The following SHTN1 variants were observed in gnomAD, a reference collection of about 807,000 sequenced individuals.
SHTN1 encodes the protein shootin 1, also known as shootin-1.
SHTN1 carries 42 observed loss-of-function variants against 83.1 expected under a neutral mutation model. The ratio of observed to expected loss-of-function variants is 0.51; its 90% confidence interval spans 0.39 to 0.65. The LOEUF is 0.65. Ranked by LOEUF, SHTN1 falls within the 30% of genes least tolerant of loss-of-function variation. SHTN1 has a pLI of 0.00. For missense variants in SHTN1, 622 were observed against 737.8 expected, an observed-to-expected ratio of 0.84 and a Z score of 1.82; for synonymous variants, 224 against 247.7, an observed-to-expected ratio of 0.90 and a Z score of 0.90.
intron 9 of SHTN1, 101 bp downstream of exon 9, chr10:116,940,365 T>C (rs1170453049): frequency 5.0e-6 from 6 of 1,209,212 alleles, no homozygotes; most frequent in Non-Finnish European, 4.6e-6. Context: ...TATGAAACAG[T>C]AAATGACTGG....
chr10:116,959,503 A>C, intron 4 of SHTN1, among the ~76,000 whole-genome samples: 1 of 152,226 alleles, frequency 6.6e-6, no homozygotes, highest in East Asian at 1.9e-4. Context: ...GCTGTAATCC[A>C]CTTTCTGATG....
chr10:117,043,682 A>T (rs111442703), intron 2 of SHTN1, among the ~76,000 whole-genome samples: 1,626 of 152,176 alleles, frequency 0.011, 8 homozygotes, highest in Middle Eastern at 0.024. Flanking sequence ...CTCTACAAAA[A>T]ATGTAAAACA....
intron 16 of SHTN1, among the ~76,000 whole-genome samples, chr10:116,897,619 T>C (rs1250275301): frequency 6.6e-6 from 1 of 152,230 alleles, no homozygotes; most frequent in Admixed American, 6.5e-5. Context: ...TAAGATAAGA[T>C]AGGAAAGGAA....
chr10:116,936,642 G>C (rs1849174774), intron 9 of SHTN1, among the ~76,000 whole-genome samples: 1 of 152,160 alleles, frequency 6.6e-6, no homozygotes, highest in African/African-American at 2.4e-5. Flanking sequence ...TATATATTCT[G>C]TTGATTTGGG....
intron 2 of SHTN1, among the ~76,000 whole-genome samples, chr10:116,969,699 C>G (rs879033317): frequency 6.6e-6 from 1 of 152,096 alleles, no homozygotes; most frequent in African/African-American, 2.4e-5. Context: ...GCATAAGGAC[C>G]TTTTAGGGTA....
chr10:117,019,384 G>GT (rs1852228928), intron 2 of SHTN1, among the ~76,000 whole-genome samples: 1 of 151,476 alleles, frequency 6.6e-6, no homozygotes, highest in Non-Finnish European at 1.5e-5. Context: ...GGGCCTCACC[G>GT]TGTTACCCAG....
At chr10:117,120,462 C>G (rs1853906647) in intron 1 of SHTN1, among the ~76,000 whole-genome samples, 1 of 152,020 alleles carries the variant, frequency 6.6e-6, no homozygotes, top group African/African-American at 2.4e-5. Context: ...ATTGGCCAGG[C>G]CGGTCTCAAA....
At chr10:116,902,382 T>TA (rs1440087100) in intron 15 of SHTN1, among the ~76,000 whole-genome samples, 1 of 152,238 alleles carries the variant, frequency 6.6e-6, no homozygotes, top group Non-Finnish European at 1.5e-5. Flanking sequence ...CAAAAGGCTC[T>TA]AAAAGGCTCA....
intron 16 of SHTN1, among the ~76,000 whole-genome samples, chr10:116,896,580 C>T (rs561864036): frequency 6.0e-4 from 92 of 152,220 alleles, no homozygotes; most frequent in Non-Finnish European, 1.1e-3. Flanking sequence ...AAAATTGAAT[C>T]CACTTTCAAA....
At chr10:117,065,179 A>G (rs896843722) in intron 1 of SHTN1, among the ~76,000 whole-genome samples, 10 of 152,154 alleles carry the variant, frequency 6.6e-5, no homozygotes, top group Non-Finnish European at 2.9e-5. Context: ...AAGGGGAAGG[A>G]GAGCATTAGG....
At chr10:116,905,188 G>A (rs533306978) in intron 15 of SHTN1, among the ~76,000 whole-genome samples, 1,637 of 136,854 alleles carry the variant, frequency 0.012, 22 homozygotes, top group Middle Eastern at 0.034. Flanking sequence ...CAGCCTGGGC[G>A]ACAGAGCGAG....
intron 1 of SHTN1, among the ~76,000 whole-genome samples, chr10:117,118,202 C>G (rs1223144584): frequency 6.6e-6 from 1 of 151,916 alleles, no homozygotes; most frequent in Admixed American, 6.6e-5. Context: ...GGAAAACACA[C>G]ATACATACAC....
At position 117,124,645 on chromosome 10, in the gene SHTN1, C is replaced by T. The variant is rs564574553; in HGVS notation, c.-189+1662G>A. On this transcript the variant is annotated intron_variant, in intron 1 of 17. Coordinates refer to the SHTN1 transcript ENST00000392901. The stretch of plus-strand genomic sequence containing the variant: ...AGAATTAGCCGAGCGTGGTGGTGGG[C>T]ACCTGTAATCCCAGCTACTCAGGAG... 1.5e-4 allele frequency among the ~76,000 whole-genome samples: 23 copies of T among 151,932 alleles called. No individual in the cohort carries two copies. The East Asian group carries it at 3.9e-3, about 26-fold the overall frequency.
intron 2 of SHTN1, among the ~76,000 whole-genome samples, chr10:117,031,385 T>C (rs1455976195): frequency 6.6e-6 from 1 of 152,176 alleles, no homozygotes; most frequent in African/African-American, 2.4e-5. Flanking sequence ...AAAAGTATGT[T>C]AATGAGCAAT....
chr10:116,891,749 T>C (rs1847348996), intron 16 of SHTN1, among the ~76,000 whole-genome samples: 1 of 152,036 alleles, frequency 6.6e-6, no homozygotes, highest in Non-Finnish European at 1.5e-5. Context: ...CACAAATTTT[T>C]AATACACTTG....
intron 8 of SHTN1, among the ~76,000 whole-genome samples, chr10:116,944,720 A>G (rs1849510798): frequency 6.6e-6 from 1 of 152,078 alleles, no homozygotes; most frequent in Non-Finnish European, 1.5e-5. Context: ...GTGAAACCCC[A>G]TCTCTAATAA....
intron 1 of SHTN1, among the ~76,000 whole-genome samples, chr10:117,104,291 G>A (rs983392182): frequency 6.6e-6 from 1 of 151,858 alleles, no homozygotes; most frequent in African/African-American, 2.4e-5. Context: ...TTTTTTCTTA[G>A]TAAGCATGCT....
chr10:116,999,481 A>G (rs925273745), intron 1 of SHTN1, among the ~76,000 whole-genome samples: 6 of 152,226 alleles, frequency 3.9e-5, no homozygotes, highest in Admixed American at 2.0e-4. Flanking sequence ...ACAGTGCATA[A>G]AACGCCTAAA....
At chr10:117,001,177 A>G (rs1359192100) in intron 1 of SHTN1, among the ~76,000 whole-genome samples, 1 of 152,122 alleles carries the variant, frequency 6.6e-6, no homozygotes, top group Non-Finnish European at 1.5e-5. Flanking sequence ...GCCCCAAAAA[A>G]GACAAAAGGA....
Sources: gnomAD v4.1 joint callset for allele counts (sites outside exome capture counted in the v4.1 genomes callset) on GRCh38, gnomAD v4.1.1 for gene constraint, MANE v1.5 for transcripts, NCBI Gene and HGNC (gene_info 2026-07-23, HGNC 2026-07-21) for gene names.